The following DACH2 variants were observed in gnomAD, a reference collection of about 807,000 sequenced individuals.
DACH2 encodes dachshund family transcription factor 2.
Under a neutral mutation model 35.8 loss-of-function variants are expected in DACH2, and 17 were observed. The ratio of observed to expected loss-of-function variants is 0.48; its 90% CI spans 0.33 to 0.71. The LOEUF is 0.71. Ranked by LOEUF, DACH2 falls within the 30% of genes least tolerant of loss-of-function variation. DACH2 has a pLI of 0.02. For missense variants in DACH2, 469 were observed against 472.7 expected, an observed-to-expected ratio of 0.99 and a Z score of 0.07; for synonymous variants, 195 against 177.3, an observed-to-expected ratio of 1.10 and a Z score of -0.79.
At chrX:86,592,296 C>T (rs1223927548) in intron 3 of DACH2, among the ~76,000 whole-genome samples, 1 of 111,604 alleles carries the variant, frequency 9.0e-6, no homozygotes, top group Non-Finnish European at 1.9e-5. Context: ...CCATGACTTG[C>T]CTTTGCAGTT....
At chrX:86,535,662 G>A (rs141371363) in intron 3 of DACH2, among the ~76,000 whole-genome samples, 1,257 of 110,504 alleles carry the variant, frequency 0.011, 27 homozygotes, top group African/African-American at 0.039. Context: ...CCAAAGTATT[G>A]GTGTGGTGGC....
chrX:86,703,323 T>A (rs775852026), intron 5 of DACH2, among the ~76,000 whole-genome samples: 2 of 111,171 alleles, frequency 1.8e-5, no homozygotes, highest in South Asian at 7.5e-4. Context: ...TACTGGAAGG[T>A]CATACACTGG....
chrX:86,231,912 C>T (rs994131663), intron 1 of DACH2, among the ~76,000 whole-genome samples: 4 of 111,726 alleles, frequency 3.6e-5, no homozygotes, highest in African/African-American at 1.3e-4. Context: ...CCCAGGGCCT[C>T]CCTGCTGCCT....
chrX:86,377,557 G>A (rs1460413910), intron 2 of DACH2, among the ~76,000 whole-genome samples: 2 of 110,523 alleles, frequency 1.8e-5, no homozygotes, highest in Non-Finnish European at 3.8e-5. Context: ...GTGACTCAGA[G>A]ACAAGGGCAA....
intron 1 of DACH2, among the ~76,000 whole-genome samples, chrX:86,317,073 C>A (rs1487436963): frequency 1.0e-5 from 1 of 98,922 alleles, no homozygotes; most frequent in African/African-American, 3.8e-5. Flanking sequence ...GCCAAGATTG[C>A]ACTACTGCAC....
At chrX:86,756,370 T>A (rs779518848) in intron 7 of DACH2, among the ~76,000 whole-genome samples, 1 of 111,392 alleles carries the variant, frequency 9.0e-6, no homozygotes, top group Non-Finnish European at 1.9e-5. Context: ...CATGAGAACA[T>A]GATGTCTTTT....
intron 7 of DACH2, among the ~76,000 whole-genome samples, chrX:86,781,277 T>G (rs1352592744): frequency 9.0e-6 from 1 of 111,578 alleles, no homozygotes; most frequent in Non-Finnish European, 1.9e-5. Context: ...CAGTATCTCC[T>G]TCTGAAGCCG....
chrX:86,482,847 G>A (rs1402745315), intron 2 of DACH2, among the ~76,000 whole-genome samples: 1 of 109,463 alleles, frequency 9.1e-6, no homozygotes, highest in African/African-American at 3.3e-5. Context: ...GTAGGGACAT[G>A]GATGAAATTG....
At chrX:86,385,388 C>T (rs1010024983) in intron 2 of DACH2, among the ~76,000 whole-genome samples, 5 of 110,906 alleles carry the variant, frequency 4.5e-5, no homozygotes, top group African/African-American at 1.3e-4. Flanking sequence ...GGCAGCCCTC[C>T]GTATCCATGG....
chrX:86,273,004 G>T (rs969898588), intron 1 of DACH2, among the ~76,000 whole-genome samples: 2 of 111,199 alleles, frequency 1.8e-5, no homozygotes, highest in Admixed American at 9.6e-5. Context: ...TTCCCAAGTT[G>T]TTTCCTTCCT....
At chrX:86,697,993 G>A (rs1330285700) in intron 5 of DACH2, among the ~76,000 whole-genome samples, 1 of 111,338 alleles carries the variant, frequency 9.0e-6, no homozygotes, top group Non-Finnish European at 1.9e-5. Context: ...CACTAAGTAG[G>A]ATAAATACCA....
intron 7 of DACH2, among the ~76,000 whole-genome samples, chrX:86,800,324 G>A (rs2042280023): frequency 1.8e-5 from 2 of 111,467 alleles, no homozygotes; most frequent in Non-Finnish European, 3.8e-5. Context: ...TATTGAAATA[G>A]AAGAAAGTAA....
At chrX:86,707,515 A>G (rs1488073378) in intron 5 of DACH2, among the ~76,000 whole-genome samples, 1 of 111,859 alleles carries the variant, frequency 8.9e-6, no homozygotes, top group Non-Finnish European at 1.9e-5. Context: ...CCAAAATACC[A>G]GAGAAAGATA....
intron 2 of DACH2, among the ~76,000 whole-genome samples, chrX:86,401,407 C>T (rs2036427287): frequency 1.8e-5 from 2 of 112,114 alleles, no homozygotes; most frequent in South Asian, 7.5e-4. Flanking sequence ...GTCCGGCACT[C>T]CCCAGTGAGA....
intron 3 of DACH2, among the ~76,000 whole-genome samples, chrX:86,562,251 G>GT (rs1040440434): frequency 4.5e-5 from 5 of 110,374 alleles, no homozygotes; most frequent in African/African-American, 6.6e-5. Flanking sequence ...GTTTTGTTTT[G>GT]TTTTTTGCCA....
intron 1 of DACH2, among the ~76,000 whole-genome samples, chrX:86,287,843 C>T (rs189584224): frequency 3.7e-4 from 41 of 112,225 alleles, no homozygotes; most frequent in African/African-American, 1.3e-3. Flanking sequence ...TTTGAATTCT[C>T]TATCTAAAAG....
At position 86,814,837 on chromosome X, in the gene DACH2, A is replaced by T. The variant is rs769259693; in HGVS notation, c.1684+3A>T. On this transcript the variant is annotated splice_donor_region_variant and intron_variant, in intron 10 of 11. Coordinates refer to ENST00000373125, the MANE Select transcript of DACH2 (RefSeq NM_053281.3). ...CAGTGGCCTGAGGATGTTAAAAGGT[A>T]ATGTCTGATTTGGATTTTCACACTC... 1 of 1,200,172 alleles carries T rather than the reference A, an allele frequency of 8.3e-7. No homozygotes were observed. The highest frequency in any genetic ancestry group is 3.0e-5 in the East Asian group (1 of 33,718).
In DACH2 at chrX:86,195,225, C is replaced by T. The variant is rs191821737; in HGVS notation, c.488+46117C>T. Among the ~76,000 whole-genome samples the T allele has an allele frequency of 3.6e-5, 4 of 112,015 alleles. No homozygotes were observed. The East Asian group carries it at 1.1e-3, about 32-fold the overall frequency. ...CCACAGCAGGAGTGGAGTCCACCTC[C>T]ATTTCCCTCACCAACTGCCATTGCA... On this transcript the variant is annotated intron_variant, in intron 1 of 11. Transcript: ENST00000373125.
At chrX:86,420,095 TAC>T (rs2036777576) in intron 2 of DACH2, among the ~76,000 whole-genome samples, 1 of 111,933 alleles carries the variant, frequency 8.9e-6, no homozygotes, top group African/African-American at 3.2e-5. Flanking sequence ...TCCCTACTCA[TAC>T]AGTTTTTCTG....
Sources: allele counts gnomAD v4.1 joint callset (sites outside exome capture counted in the v4.1 genomes callset), GRCh38; gene constraint gnomAD v4.1.1; transcripts MANE v1.5; gene names NCBI Gene and HGNC (gene_info 2026-07-23, HGNC 2026-07-21).